The following CALN1 variants were observed in gnomAD, a reference collection of about 807,000 sequenced individuals.
CALN1 encodes calcium-binding protein 8.
CALN1 carries 17 observed loss-of-function variants against 30.6 expected under a neutral mutation model. The observed-to-expected ratio is 0.56, with a 90% CI of 0.38 to 0.83. CALN1 has a LOEUF of 0.83. Ranked by LOEUF, CALN1 falls within the 40% of genes least tolerant of loss-of-function variation. The pLI, the probability that CALN1 is intolerant of heterozygous loss-of-function variation, is 0.00. For missense variants in CALN1, 291 were observed against 354.9 expected (o/e 0.82, Z 1.45); for synonymous variants, 156 against 131.4 (o/e 1.19, Z -1.28).
At chr7:72,115,818 T>C (rs1352220231) in intron 3 of CALN1, among the ~76,000 whole-genome samples, 1 of 151,772 alleles carries the variant, frequency 6.6e-6, no homozygotes, top group Non-Finnish European at 1.5e-5. Context: ...ATCCCCCACC[T>C]TCTCTCCCCT....
chr7:72,265,745 C>CCT (rs1796555067), intron 3 of CALN1, among the ~76,000 whole-genome samples: 1 of 152,014 alleles, frequency 6.6e-6, no homozygotes, highest in African/African-American at 2.4e-5. Flanking sequence ...AAGATACCAC[C>CCT]CTCTGCTTGC....
chr7:72,335,879 G>T (rs899726494), intron 2 of CALN1, among the ~76,000 whole-genome samples: 1 of 152,216 alleles, frequency 6.6e-6, no homozygotes, highest in Non-Finnish European at 1.5e-5. Context: ...TCGCCCCAAG[G>T]GTGGCCCAGA....
intron 1 of CALN1, among the ~76,000 whole-genome samples, chr7:72,435,461 C>T (rs1808123857): frequency 6.6e-6 from 1 of 152,150 alleles, no homozygotes; most frequent in Admixed American, 6.5e-5. Flanking sequence ...AACGCAAGGC[C>T]CCATTCATCC....
intron 5 of CALN1, among the ~76,000 whole-genome samples, chr7:71,935,961 G>C (rs1326834848): frequency 6.6e-6 from 1 of 152,170 alleles, no homozygotes; most frequent in Non-Finnish European, 1.5e-5. Flanking sequence ...GGCAAGGAGG[G>C]AGTGTTGACC....
At chr7:72,053,040 G>C (rs566350620) in intron 4 of CALN1, among the ~76,000 whole-genome samples, 4 of 152,300 alleles carry the variant, frequency 2.6e-5, no homozygotes, top group Middle Eastern at 3.4e-3. Flanking sequence ...GACCAGCCTG[G>C]CCAATATGGT....
rs1183601883 is a variant in CALN1, at chr7:71,810,361, C to T, written c.633G>A (p.Gly211=). Reference sequence around the variant, plus strand: ...CTCCTTCAAACTCTGTTTGGCAGTTCCCCGAGGTCTCATTCAGGCTCTCTT... The same window carrying T: ...CTCCTTCAAACTCTGTTTGGCAGTTTCCCGAGGTCTCATTCAGGCTCTCTT... ...NEEESLNETS[G]NCQTEFEGVH... Residue 211 remains glycine (G), a synonymous_variant, in exon 6 of 7, where the codon GGG becomes GGA. Coordinates refer to ENST00000395275, the MANE Select transcript of CALN1 (RefSeq NM_031468.4). 1 of 1,614,016 alleles carries T rather than the reference C, an allele frequency of 6.2e-7. No homozygotes were observed. Among genetic ancestry groups the T allele is most frequent in the Non-Finnish European group, 8.5e-7 (1 of 1,179,978 alleles).
At chr7:72,397,731 CA>C (rs1430934417) in intron 2 of CALN1, among the ~76,000 whole-genome samples, 6 of 151,518 alleles carry the variant, frequency 4.0e-5, no homozygotes, top group Non-Finnish European at 8.8e-5. Context: ...CACACACACA[CA>C]CACACACACA....
chr7:72,338,449 G>A (rs374827744), intron 2 of CALN1, among the ~76,000 whole-genome samples: 7 of 148,042 alleles, frequency 4.7e-5, no homozygotes, highest in African/African-American at 7.4e-5. Flanking sequence ...AAGTTTGGGC[G>A]TTTTTGTCAG....
intron 4 of CALN1, among the ~76,000 whole-genome samples, chr7:72,062,596 T>C (rs997800151): frequency 5.3e-5 from 8 of 151,538 alleles, no homozygotes; most frequent in African/African-American, 1.9e-4. Context: ...GCCAAATATA[T>C]GGGTAAATAT....
At chr7:72,385,780 C>T (rs762755226) in intron 2 of CALN1, among the ~76,000 whole-genome samples, 3 of 152,160 alleles carry the variant, frequency 2.0e-5, no homozygotes, top group South Asian at 2.1e-4. Context: ...CCTCATCACA[C>T]GCTCTCTCCT....
At chr7:72,360,111 T>A (rs1004170428) in intron 2 of CALN1, among the ~76,000 whole-genome samples, 2 of 152,004 alleles carry the variant, frequency 1.3e-5, no homozygotes, top group Admixed American at 1.3e-4. Flanking sequence ...CATGGTCGAA[T>A]CTTGGTTTTA....
intron 5 of CALN1, among the ~76,000 whole-genome samples, chr7:71,817,053 A>G (rs765385324): frequency 1.6e-4 from 25 of 152,330 alleles, no homozygotes; most frequent in South Asian, 8.3e-4. Flanking sequence ...TCTAAACAAA[A>G]TAAGTTGCGT....
chr7:72,347,263 T>C (rs1229239348), intron 2 of CALN1, among the ~76,000 whole-genome samples: 1 of 151,022 alleles, frequency 6.6e-6, no homozygotes, highest in Non-Finnish European at 1.5e-5. Flanking sequence ...TTTCTTTTTT[T>C]TGAGACGGAG....
At chr7:72,076,720 C>T (rs1324701018) in intron 4 of CALN1, among the ~76,000 whole-genome samples, 1 of 146,986 alleles carries the variant, frequency 6.8e-6, no homozygotes, top group Admixed American at 7.0e-5. Flanking sequence ...AGTGGGCAGC[C>T]ACTCCTCAGA....
chr7:72,127,440 CAG>C (rs1808844371), intron 3 of CALN1, among the ~76,000 whole-genome samples: 1 of 152,094 alleles, frequency 6.6e-6, no homozygotes, highest in Non-Finnish European at 1.5e-5. Context: ...GGTTACAGAG[CAG>C]AGGAGTCACG....
intron 4 of CALN1, chr7:72,103,140 A>C (rs1398071347): frequency 6.6e-6 from 1 of 152,510 alleles, no homozygotes; most frequent in East Asian, 1.9e-4. Context: ...AATGTTCTAA[A>C]ATCGACTGTG....
chr7:71,903,103 T>C (rs1184016952), intron 5 of CALN1, among the ~76,000 whole-genome samples: 1 of 152,016 alleles, frequency 6.6e-6, no homozygotes, highest in Non-Finnish European at 1.5e-5. Flanking sequence ...ATATACTCTC[T>C]TCAGATTGCT....
chr7:71,937,083 G>A (rs1336063744), intron 5 of CALN1, among the ~76,000 whole-genome samples: 2 of 152,074 alleles, frequency 1.3e-5, no homozygotes, highest in Non-Finnish European at 2.9e-5. Flanking sequence ...ATACAATTAG[G>A]CAGCTCTTTA....
intron 5 of CALN1, among the ~76,000 whole-genome samples, chr7:72,009,563 T>TA (rs1440193186): frequency 1.3e-5 from 2 of 152,254 alleles, no homozygotes; most frequent in African/African-American, 4.8e-5. Context: ...AAAATGTTGG[T>TA]AAGTTAGATA....
Sources: gnomAD v4.1 joint callset for allele counts (sites outside exome capture counted in the v4.1 genomes callset) on GRCh38, gnomAD v4.1.1 for gene constraint, MANE v1.5 for transcripts, NCBI Gene and HGNC (gene_info 2026-07-23, HGNC 2026-07-21) for gene names.